Variants in PDE6A observed in about 807,000 individuals in gnomAD.
PDE6A encodes phosphodiesterase 6A.
Under a neutral mutation model 106.3 loss-of-function variants are expected in PDE6A, and 84 were observed. That is an observed-to-expected ratio of 0.79 (90% CI 0.66 to 0.95). PDE6A has a LOEUF of 0.95. Ranked by LOEUF, PDE6A falls within the 40% of genes least tolerant of loss-of-function variation. PDE6A has a pLI of 0.00. For synonymous variants in PDE6A, 394 were observed against 386.6 expected, an observed-to-expected ratio of 1.02 and a Z score of -0.23; for missense variants, 1,052 against 1,084.9, an observed-to-expected ratio of 0.97 and a Z score of 0.43.
chr5:149,878,581 T>A (rs967108075), intron 17 of PDE6A, among the ~76,000 whole-genome samples: 5 of 152,204 alleles, frequency 3.3e-5, no homozygotes, highest in Admixed American at 2.0e-4. Context: ...ACAGCTTTGA[T>A]AGGTGTTGCC....
chr5:149,868,340 GC>G (rs1760411588), intron 17 of PDE6A, among the ~76,000 whole-genome samples, 182 bp from the exon 18 acceptor site: 1 of 152,204 alleles, frequency 6.6e-6, no homozygotes. Context: ...GTTAGATCCT[GC>G]CTCTGTCAGT....
chr5:149,892,175 G>C (rs1342554504), intron 13 of PDE6A, among the ~76,000 whole-genome samples: 1 of 152,052 alleles, frequency 6.6e-6, no homozygotes, highest in East Asian at 1.9e-4. Flanking sequence ...AATCAGCCAG[G>C]CATGGTGGTA....
chr5:149,922,855 G>A (rs1439103975), intron 4 of PDE6A, among the ~76,000 whole-genome samples: 1 of 152,198 alleles, frequency 6.6e-6, no homozygotes, highest in Non-Finnish European at 1.5e-5. Context: ...CTTAGCCTGA[G>A]GCTATCTCTG....
intron 19 of PDE6A, chr5:149,867,485 C>A (rs1202190303): frequency 1.7e-6 from 1 of 603,286 alleles, no homozygotes; most frequent in Admixed American, 2.6e-5. Context: ...ATTGCAGGGG[C>A]CCACCCCCAG....
At chr5:149,886,945 C>T (rs528420194) in intron 13 of PDE6A, among the ~76,000 whole-genome samples, 6 of 152,264 alleles carry the variant, frequency 3.9e-5, no homozygotes, top group Non-Finnish European at 8.8e-5. Flanking sequence ...AAGTGGTGTT[C>T]CTGTCACCCT....
intron 17 of PDE6A, among the ~76,000 whole-genome samples, chr5:149,874,345 G>A (rs556456368): frequency 2.6e-5 from 4 of 152,200 alleles, no homozygotes; most frequent in South Asian, 4.1e-4. Context: ...CCCTGCGTTC[G>A]GGTTCAGTAA....
chr5:149,929,937 A>AT, intron 4 of PDE6A, among the ~76,000 whole-genome samples: 1 of 151,662 alleles, frequency 6.6e-6, no homozygotes, highest in African/African-American at 2.4e-5. Context: ...TTTTTATTTT[A>AT]TTTTTTGTAG....
At chr5:149,881,605 G>A (rs979136495) in intron 17 of PDE6A, among the ~76,000 whole-genome samples, 5 of 152,174 alleles carry the variant, frequency 3.3e-5, no homozygotes, top group African/African-American at 7.2e-5. Flanking sequence ...AAGGGGAGAC[G>A]GAGGAGAGTG....
intron 7 of PDE6A, among the ~76,000 whole-genome samples, chr5:149,906,531 A>AAAAAAAAAAAC (rs1753194394): frequency 6.7e-6 from 1 of 148,434 alleles, no homozygotes; most frequent in Non-Finnish European, 1.5e-5. Flanking sequence ...AAAAAAAAAA[A>AAAAAAAAAAAC]AAAAAAATCC....
intron 9 of PDE6A, 127 bp downstream of exon 9, chr5:149,899,248 T>C (rs955893771): frequency 1.2e-6 from 1 of 857,068 alleles, no homozygotes; most frequent in East Asian, 2.4e-5. Flanking sequence ...AAGAAAGTGG[T>C]TGATGAGGCA....
At chr5:149,874,313 T>A (rs1310548914) in intron 17 of PDE6A, among the ~76,000 whole-genome samples, 8 of 152,220 alleles carry the variant, frequency 5.3e-5, no homozygotes, top group African/African-American at 1.7e-4. Flanking sequence ...CTGTCTGACT[T>A]GGCAACAAAG....
chr5:149,899,568 A>G (rs1473264671), intron 8 of PDE6A, 44 bp from the exon 9 acceptor site: 3 of 1,592,704 alleles, frequency 1.9e-6, no homozygotes, highest in South Asian at 2.2e-5. Context: ...GTTTCAGGCC[A>G]CAGAGGCAAC....
intron 8 of PDE6A, among the ~76,000 whole-genome samples, chr5:149,900,016 T>C (rs1272171869): frequency 6.6e-6 from 1 of 152,074 alleles, no homozygotes; most frequent in African/African-American, 2.4e-5. Context: ...ATGGAAAGAA[T>C]CTGTGCCTCA....
intron 4 of PDE6A, among the ~76,000 whole-genome samples, chr5:149,922,419 C>T (rs1753750876): frequency 6.6e-6 from 1 of 152,098 alleles, no homozygotes; most frequent in Non-Finnish European, 1.5e-5. Flanking sequence ...TCTAGCAATT[C>T]TCCTGGCTCA....
At chr5:149,878,669 G>A (rs559759047) in intron 17 of PDE6A, among the ~76,000 whole-genome samples, 6 of 152,178 alleles carry the variant, frequency 3.9e-5, no homozygotes, top group East Asian at 3.8e-4. Flanking sequence ...CACTCTGCCC[G>A]ACACAGTATG....
At chr5:149,936,158 A>AAAGGAAGGAAGGAAGGAAGGAAGG (rs151028032) in intron 1 of PDE6A, among the ~76,000 whole-genome samples, 3,368 of 130,642 alleles carry the variant, frequency 0.026, 216 homozygotes, top group African/African-American at 0.09. Flanking sequence ...TGTCTCTAAA[A>AAAGGAAGGAAGGAAGGAAGGAAGG]AAGGAAGGAA....
rs780358814 is a variant in PDE6A at position 149,944,634 on chromosome 5, C to T, written c.40G>A (p.Asp14Asn). ...TGTTTGGCAAAGCCAATATTCGAGT[C>T]CAGGAACTTCTCCACCTCCTCTGCT... The part of the protein sequence containing the change: ...VTAEEVEKFL[D>N]SNIGFAKQYY... Residue 14 changes from aspartate to asparagine, a missense_variant, in exon 1 of 22, where the codon GAC becomes AAC. Physicochemically the swap from Asp to Asn is conservative, Grantham distance 23. Coordinates refer to ENST00000255266, the MANE Select transcript of PDE6A (RefSeq NM_000440.3). 1 of 1,613,096 alleles carries T rather than the reference C, an allele frequency of 6.2e-7. No homozygotes were observed. The highest frequency in any genetic ancestry group is 8.5e-7 in the Non-Finnish European group (1 of 1,179,670).
intron 9 of PDE6A, 80 bp from the exon 10 acceptor site, chr5:149,898,586 T>A: frequency 7.1e-7 from 1 of 1,416,104 alleles, no homozygotes; most frequent in Non-Finnish European, 9.8e-7. Context: ...CAAGAGTCTC[T>A]AGGCCTCTGT....
At chr5:149,866,529 G>A in intron 19 of PDE6A, 1 of 425,096 alleles carries the variant, frequency 2.4e-6, no homozygotes, top group Non-Finnish European at 4.3e-6. Context: ...GGGAGGGATG[G>A]CAGGGCCTGC....
Sources: gnomAD v4.1 joint callset for allele counts (sites outside exome capture counted in the v4.1 genomes callset) on GRCh38, gnomAD v4.1.1 for gene constraint, MANE v1.5 for transcripts, NCBI Gene and HGNC (gene_info 2026-07-23, HGNC 2026-07-21) for gene names.